Variants in ZNF431 observed in about 807,000 individuals in gnomAD.
ZNF431 encodes the protein zinc finger protein 431.
In ZNF431, 34 loss-of-function variants were observed where a neutral mutation model predicts 57.0. That is an observed-to-expected ratio of 0.60 (90% confidence interval 0.45 to 0.79). The LOEUF (loss-of-function observed/expected upper bound fraction) is 0.79, where lower values mean the gene tolerates loss of function less well. ZNF431 is among the 30% of genes least tolerant of loss of function. The pLI is 0.00. For synonymous variants in ZNF431, 207 were observed against 220.3 expected (o/e 0.94, Z 0.54); for missense variants, 607 against 667.1 (o/e 0.91, Z 0.99).
intron 2 of ZNF431, among the ~76,000 whole-genome samples, chr19:21,145,937 C>T (rs574947863): frequency 9.9e-5 from 15 of 152,036 alleles, no homozygotes; most frequent in South Asian, 6.2e-4. Flanking sequence ...TGTTCTTAGA[C>T]GAGACATAAA....
Position 21,142,109 on chromosome 19 carries a change from A to T in ZNF431, c.-75A>T. On this transcript the variant is annotated 5_prime_UTR_variant, in exon 1 of 5. Transcript: ENST00000311048. ...TGTGTCCTCTGCTCCTAGAGGCCCAACATCTGTGGCCCTGTGACCTGCAGG... is the reference window on the plus strand; with the variant it reads ...TGTGTCCTCTGCTCCTAGAGGCCCATCATCTGTGGCCCTGTGACCTGCAGG... 1 of 1,591,820 alleles carries T rather than the reference A, an allele frequency of 6.3e-7. No homozygotes were observed. The highest frequency in any genetic ancestry group is 8.6e-7 in the Non-Finnish European group (1 of 1,161,304).
intron 4 of ZNF431, among the ~76,000 whole-genome samples, chr19:21,179,457 G>A (rs1240348037): frequency 6.6e-6 from 1 of 151,648 alleles, no homozygotes; most frequent in African/African-American, 2.4e-5. Flanking sequence ...TGATGTTAGG[G>A]TGTCCATTTA....
chr19:21,168,879 T>G (rs1348591524), intron 4 of ZNF431, among the ~76,000 whole-genome samples: 1 of 152,150 alleles, frequency 6.6e-6, no homozygotes, highest in Non-Finnish European at 1.5e-5. Flanking sequence ...TTTTGTTAAG[T>G]TACTGACTGT....
At chr19:21,144,094 T>A (rs1038740726) in intron 2 of ZNF431, among the ~76,000 whole-genome samples, 1 of 149,852 alleles carries the variant, frequency 6.7e-6, no homozygotes, top group Non-Finnish European at 1.5e-5. Flanking sequence ...TGTTTTTTAA[T>A]CAGCACTGCC....
chr19:21,182,507 A>G lies in ZNF431; in HGVS notation c.320-116A>G, dbSNP rs1331291960. ...TATGTCTATGAAGGATTTAGGGCCT[A>G]TGGTATTTTATTATGGCATCTTGTT... On this transcript the variant is annotated intron_variant, in intron 4 of 4. Coordinates refer to ENST00000311048, the MANE Select transcript of ZNF431 (RefSeq NM_133473.4). 7 of 1,146,516 alleles carry G rather than the reference A, an allele frequency of 6.1e-6. No homozygotes were observed. The East Asian group carries it at 1.6e-4, about 26-fold the overall frequency. 71.0% of individuals were successfully genotyped at this position (1,146,516 alleles called of 1,614,324 possible). A position where few individuals can be genotyped will look rare whatever the true frequency, so the allele number is the denominator to read the frequency against.
rs145708342 is a variant in ZNF431 at position 21,178,543 on chromosome 19, C to T, written c.320-4080C>T. ...GTTGAATTTGTTCGAAGGCCTTTTC[C>T]GCATTTTTGAGATAATCATGTAGTT... On this transcript the variant is annotated intron_variant, in intron 4 of 4. Coordinates refer to ENST00000311048, the MANE Select transcript of ZNF431 (RefSeq NM_133473.4). Among the ~76,000 whole-genome samples, 1,256 of 152,096 alleles carry T rather than the reference C, an allele frequency of 8.3e-3. 6 individuals carry two copies. The highest frequency in any genetic ancestry group is 0.013 in the Non-Finnish European group (905 of 67,992).
At chr19:21,151,207 C>CA (rs1970263503) in intron 2 of ZNF431, 1 of 152,116 alleles carries the variant, frequency 6.6e-6, no homozygotes, top group Non-Finnish European at 1.5e-5. Context: ...AGGCGAGTAC[C>CA]ACCACACCAG....
chr19:21,150,009 AG>A, intron 2 of ZNF431: 4 of 586,862 alleles, frequency 6.8e-6, no homozygotes, highest in Non-Finnish European at 1.3e-5. Context: ...TTCTCCACCA[AG>A]GTGGTGACAG....
intron 2 of ZNF431, among the ~76,000 whole-genome samples, chr19:21,150,684 A>G (rs1970245775): frequency 6.6e-6 from 1 of 152,160 alleles, no homozygotes; most frequent in Non-Finnish European, 1.5e-5. Context: ...ATACCTCCAT[A>G]TTTCCTAGGT....
At chr19:21,176,823 A>C (rs1019533009) in intron 4 of ZNF431, among the ~76,000 whole-genome samples, 4 of 151,996 alleles carry the variant, frequency 2.6e-5, no homozygotes, top group African/African-American at 9.7e-5. Context: ...CAGCTTCCAG[A>C]GTAGCTGGGA....
In ZNF431 at chr19:21,193,561, A is replaced by G. The variant is rs1447262501; in HGVS notation, c.*9527A>G. ...AATTAATAAAATAAAAACCTGTGTCATCTTGATACCGAAGTCTAGTGAAGA... is the reference window on the plus strand; with the variant it reads ...AATTAATAAAATAAAAACCTGTGTCGTCTTGATACCGAAGTCTAGTGAAGA... On this transcript the variant is annotated 3_prime_UTR_variant, in exon 5 of 5. Transcript: ENST00000311048. 1 of 152,122 alleles carries G rather than the reference A, an allele frequency of 6.6e-6. No homozygotes were observed. The highest frequency in any genetic ancestry group is 2.4e-5 in the African/African-American group (1 of 41,434). The allele number at this position is 152,122 out of a possible 1,614,324, so 9.4% of individuals were successfully genotyped here.
intron 4 of ZNF431, among the ~76,000 whole-genome samples, chr19:21,179,215 C>G (rs1417264526): frequency 6.6e-6 from 1 of 152,028 alleles, no homozygotes; most frequent in Non-Finnish European, 1.5e-5. Flanking sequence ...GTGATGATAG[C>G]CCCTTTATCA....
At chr19:21,171,759 C>G (rs1197466720) in intron 4 of ZNF431, among the ~76,000 whole-genome samples, 2 of 133,258 alleles carry the variant, frequency 1.5e-5, no homozygotes, top group African/African-American at 2.9e-5. Flanking sequence ...CTCGCCTTTT[C>G]GCCCAGGCTG....
intron 2 of ZNF431, among the ~76,000 whole-genome samples, chr19:21,148,051 T>C (rs1970153784): frequency 6.6e-6 from 1 of 151,882 alleles, no homozygotes; most frequent in African/African-American, 2.4e-5. Context: ...GCTGGAGTGC[T>C]ATGGCAGGAT....
chr19:21,183,134 A>T lies in ZNF431; in HGVS notation c.831A>T (p.Thr277=). ...KAFKQSSTLT[T]HKIIHTGEKP... ...TTAAGCAGTCCTCAACCCTTACTAC[A>T]CATAAGATAATTCATACTGGGGAGA... Residue 277 remains threonine (T), a synonymous_variant, in exon 5 of 5, where the codon ACA becomes ACT. Transcript: ENST00000311048. 1 of 1,614,046 alleles carries T rather than the reference A, an allele frequency of 6.2e-7. No homozygotes were observed. The highest frequency in any genetic ancestry group is 8.5e-7 in the Non-Finnish European group (1 of 1,179,966).
rs185778719 is a variant in ZNF431, at chr19:21,194,209, C to T, written c.*10175C>T. On this transcript the variant is annotated 3_prime_UTR_variant, in exon 5 of 5. Transcript: ENST00000311048. ...AAAAATGAATAGCATTGCCTTACAC[C>T]AATAACATTCAAGCTGAGAACAAAA... The T allele has an allele frequency of 6.4e-4, 97 of 152,210 alleles. 1 individual carries two copies. The highest frequency in any genetic ancestry group is 2.0e-3 in the African/African-American group (84 of 41,558). The allele number at this position is 152,210 out of a possible 1,614,324, so 9.4% of individuals were successfully genotyped here.
chr19:21,157,478 G>A (rs1338594833), intron 2 of ZNF431, among the ~76,000 whole-genome samples: 3 of 152,040 alleles, frequency 2.0e-5, no homozygotes, highest in Non-Finnish European at 2.9e-5. Flanking sequence ...TGTTGCACAT[G>A]CTTGTTAGCC....
Position 21,194,510 on chromosome 19 carries a change from C to T in ZNF431, c.*10476C>T, listed in dbSNP as rs1246437144. ...TTTTGAGACAGTGTTGCTCTGTGGC[C>T]TAGGCTGGAGTGCAGTGGTGCGATC... On this transcript the variant is annotated 3_prime_UTR_variant, in exon 5 of 5. Coordinates refer to ENST00000311048, the MANE Select transcript of ZNF431 (RefSeq NM_133473.4). 2 of 151,144 alleles carry T rather than the reference C, an allele frequency of 1.3e-5. No individual in the cohort carries two copies. Among genetic ancestry groups the T allele is most frequent in the African/African-American group, 2.4e-5 (1 of 41,070 alleles). 9.4% of individuals were successfully genotyped at this position (151,144 alleles called of 1,614,324 possible). A position where few individuals can be genotyped will look rare whatever the true frequency, so the allele number is the denominator to read the frequency against.
In ZNF431 at chr19:21,187,216, G is replaced by T. The variant is rs1405220274; in HGVS notation, c.*3182G>T. 6.6e-6 allele frequency: 1 copy of T among 152,046 alleles called. No individual in the cohort carries two copies. The highest frequency in any genetic ancestry group is 1.9e-4 in the East Asian group (1 of 5,180). The allele number at this position is 152,046 out of a possible 1,614,324, so 9.4% of individuals were successfully genotyped here. A position where few individuals can be genotyped will look rare whatever the true frequency, so the allele number is the denominator to read the frequency against. On this transcript the variant is annotated 3_prime_UTR_variant, in exon 5 of 5. Transcript: ENST00000311048. The stretch of plus-strand genomic sequence containing the variant: ...AAGAGAAATTCTGGCAGAGGCAGAT[G>T]AATCACCTGAGGTCAGGAGTTTGAG...
Sources: allele counts gnomAD v4.1 joint callset (sites outside exome capture counted in the v4.1 genomes callset), GRCh38; gene constraint gnomAD v4.1.1; transcripts MANE v1.5; gene names NCBI Gene and HGNC (gene_info 2026-07-23, HGNC 2026-07-21).